The following ANAPC2 variants were observed in gnomAD, a reference collection of about 807,000 sequenced individuals.
ANAPC2 encodes anaphase-promoting complex subunit 2.
In ANAPC2, 29 loss-of-function variants were observed where a neutral mutation model predicts 84.3. The observed-to-expected ratio is 0.34, with a 90% confidence interval of 0.26 to 0.47. The LOEUF (loss-of-function observed/expected upper bound fraction) is 0.47, where lower values mean the gene tolerates loss of function less well. ANAPC2 is among the 20% of genes least tolerant of loss of function. The pLI, the probability that ANAPC2 is intolerant of heterozygous loss-of-function variation, is 1.00. For synonymous variants in ANAPC2, 571 were observed against 479.4 expected (o/e 1.19, Z -2.50); for missense variants, 857 against 1,131.7 (o/e 0.76, Z 3.48).
Position 137,187,723 on chromosome 9 carries a change from G to A in ANAPC2, c.498C>T (p.Pro166=), listed in dbSNP as rs749626067. 6.8e-6 allele frequency: 11 copies of A among 1,613,906 alleles called. No homozygotes were observed. Among genetic ancestry groups the A allele is most frequent in the Non-Finnish European group, 9.3e-6 (11 of 1,180,028 alleles). Residue 166 remains proline (P), a synonymous_variant, in exon 2 of 13, where the codon CCC becomes CCT. Transcript: ENST00000323927. ...MLRGVLFFST[P]RTFQEMIQRL... is the part of the protein sequence containing the mutation. ...GCTGGATCATCTCTTGGAAGGTTCT[G>A]GGGGTGCTAAAGAACAAGACTCCGC...
Position 137,188,446 on chromosome 9 carries a change from G to A in ANAPC2, c.87C>T (p.Thr29=). The change falls in exon 1 of 13, where the codon ACC becomes ACT. Residue 29 remains threonine (T), a synonymous_variant. Transcript: ENST00000323927. The part of the protein sequence containing the change: ...ELLVAWNTVS[T]GLVPPAALGL... ...CCAGCGCAGCCGGCGGCACCAGGCC[G>A]GTGCTCACGGTGTTCCAGGCCACTA... 2 of 1,609,624 alleles carry A rather than the reference G, an allele frequency of 1.2e-6. No individual in the cohort carries two copies. The highest frequency in any genetic ancestry group is 8.5e-7 in the Non-Finnish European group (1 of 1,179,444).
At chr9:137,180,977 G>A in intron 7 of ANAPC2, 48 bp from the exon 8 acceptor site, 1 of 1,599,746 alleles carries the variant, frequency 6.3e-7, no homozygotes, top group Non-Finnish European at 8.5e-7. Context: ...CCTGGGCAAG[G>A]ACAGGGCCGC....
At chr9:137,184,129 C>A (rs1044591382) in intron 4 of ANAPC2, among the ~76,000 whole-genome samples, 2 of 152,258 alleles carry the variant, frequency 1.3e-5, no homozygotes, top group Admixed American at 1.3e-4. Context: ...ACAGTCCCAG[C>A]ACTGCCCGGT....
intron 1 of ANAPC2, 77 bp from the exon 2 acceptor site, chr9:137,188,180 G>C (rs538306372): frequency 6.0e-5 from 91 of 1,527,132 alleles, no homozygotes; most frequent in Non-Finnish European, 7.7e-5. Flanking sequence ...AGAAGCTGAG[G>C]GGGAGGCTGC....
chr9:137,177,481 G>A (rs1348315109), intron 10 of ANAPC2, among the ~76,000 whole-genome samples: 1 of 152,164 alleles, frequency 6.6e-6, no homozygotes, highest in Non-Finnish European at 1.5e-5. Flanking sequence ...TTACGTAGAG[G>A]AATGGCGCAC....
chr9:137,176,508 G>A (rs1261804977), intron 10 of ANAPC2: 2 of 152,324 alleles, frequency 1.3e-5, no homozygotes, highest in African/African-American at 4.8e-5. Context: ...ACCAAGAACT[G>A]TGGCAGCAGC....
chr9:137,185,091 T>C lies in ANAPC2; in HGVS notation c.874-4A>G. On this transcript the variant is annotated splice_polypyrimidine_tract_variant and splice_region_variant and intron_variant, in intron 3 of 12. Transcript: ENST00000323927. ...AGCCGACCACCCGCTCGATCCACTGTCAGGAGAACGCTAGTGTGAGCTGCA... is the reference window on the plus strand; with the variant it reads ...AGCCGACCACCCGCTCGATCCACTGCCAGGAGAACGCTAGTGTGAGCTGCA... 1 of 1,536,176 alleles carries C rather than the reference T, an allele frequency of 6.5e-7. No individual in the cohort carries two copies. Among genetic ancestry groups the C allele is most frequent in the Non-Finnish European group, 8.8e-7 (1 of 1,141,338 alleles).
chr9:137,185,453 C>T (rs750721901), intron 3 of ANAPC2, among the ~76,000 whole-genome samples: 38 of 152,310 alleles, frequency 2.5e-4, no homozygotes, highest in Non-Finnish European at 4.3e-4. Context: ...CCGGGGGGCC[C>T]AGGCGAGCAC....
At chr9:137,181,305 A>G (rs888916070) in intron 7 of ANAPC2, among the ~76,000 whole-genome samples, 1 of 152,220 alleles carries the variant, frequency 6.6e-6, no homozygotes, top group African/African-American at 2.4e-5. Flanking sequence ...CCAGGCACAG[A>G]TGGGCTCTGA....
chr9:137,185,538 A>G (rs1325498435), intron 3 of ANAPC2, among the ~76,000 whole-genome samples: 1 of 152,166 alleles, frequency 6.6e-6, no homozygotes, highest in East Asian at 1.9e-4. Flanking sequence ...CAGTGGCAAG[A>G]CCGCACGGAT....
Position 137,180,792 on chromosome 9 carries a change from C to G in ANAPC2, c.1606G>C (p.Glu536Gln). 6.2e-7 allele frequency: 1 copy of G among 1,610,834 alleles called. No homozygotes were observed. Among genetic ancestry groups the G allele is most frequent in the Non-Finnish European group, 8.5e-7 (1 of 1,179,644 alleles). Residue 536 changes from glutamate to glutamine, a missense_variant, in exon 8 of 13, where the codon GAG becomes CAG. Glu to Gln is a conservative substitution (Grantham distance 29, BLOSUM62 2). Around this residue, in one of 3 missense-constraint regions of ANAPC2, gnomAD observed 425 missense variants for 595.5 expected, o/e 0.71. Transcript: ENST00000323927. Reference protein sequence around the residue: ...RLLHQFSFSPEREIRNVELLK... With the variant: ...RLLHQFSFSPQREIRNVELLK... ...CCAGCGCGTCACAGGCCTCACCGCT[C>G]GGGGCTGAAGCTGAACTGGTGCAGC...
chr9:137,188,339 C>A (rs1033284610), intron 1 of ANAPC2, 77 bp downstream of exon 1: 80 of 1,482,180 alleles, frequency 5.4e-5, no homozygotes, highest in Non-Finnish European at 7.0e-5. Context: ...GCCGTATGAA[C>A]CCGAGGGTAG....
intron 3 of ANAPC2, among the ~76,000 whole-genome samples, 178 bp downstream of exon 3, chr9:137,186,046 T>C (rs1834460151): frequency 6.6e-6 from 1 of 152,148 alleles, no homozygotes; most frequent in Non-Finnish European, 1.5e-5. Flanking sequence ...GCGTCCTCGC[T>C]ATCACCAGGG....
At chr9:137,184,114 T>A (rs2131338755) in intron 4 of ANAPC2, among the ~76,000 whole-genome samples, 1 of 152,330 alleles carries the variant, frequency 6.6e-6, no homozygotes, top group South Asian at 2.1e-4. Context: ...GACGCCGCAG[T>A]GGGGACAGTC....
At chr9:137,184,575 G>A (rs1044493796) in intron 4 of ANAPC2, among the ~76,000 whole-genome samples, 2 of 130,164 alleles carry the variant, frequency 1.5e-5, no homozygotes, top group Admixed American at 8.1e-5. Flanking sequence ...GAGCCCAGAC[G>A]CAGACAGAGC....
intron 8 of ANAPC2, 62 bp downstream of exon 8, chr9:137,180,726 C>T (rs1320207369): frequency 6.3e-6 from 10 of 1,588,334 alleles, no homozygotes; most frequent in South Asian, 2.2e-5. Context: ...GGCCCTGTCC[C>T]GAGAGAGGCT....
At position 137,175,423 on chromosome 9, in the gene ANAPC2, C is replaced by A; in HGVS notation, c.2070G>T (p.Ala690=). The change falls in exon 12 of 13, where the codon GCG becomes GCT. Residue 690 remains alanine (A), a synonymous_variant. Coordinates refer to ENST00000323927, the MANE Select transcript of ANAPC2 (RefSeq NM_013366.4). ...ELSKAVKMPV[A]LLRRRMSVWL... ...ACACGGACATCCGCCGCCGCAGCAG[C>A]GCCACGGGCATCTTCACCGCCTTGC... 6.2e-7 allele frequency: 1 copy of A among 1,604,384 alleles called. No individual in the cohort carries two copies. The highest frequency in any genetic ancestry group is 2.3e-5 in the East Asian group (1 of 44,442).
intron 5 of ANAPC2, chr9:137,183,464 G>C: frequency 1.2e-6 from 1 of 807,446 alleles, no homozygotes; most frequent in East Asian, 2.7e-5. Flanking sequence ...CAGACCTACC[G>C]GTCAGTCCTG....
intron 3 of ANAPC2, 95 bp from the exon 4 acceptor site, chr9:137,185,182 C>G (rs926118738): frequency 9.0e-6 from 12 of 1,337,656 alleles, no homozygotes; most frequent in Admixed American, 3.4e-5. Flanking sequence ...CCCACCCTGT[C>G]GGCCGGGACC....
Sources: allele counts gnomAD v4.1 joint callset (sites outside exome capture counted in the v4.1 genomes callset), GRCh38; gene constraint gnomAD v4.1.1; regional missense constraint gnomAD v4.1.1; transcripts MANE v1.5; gene names NCBI Gene and HGNC (gene_info 2026-07-23, HGNC 2026-07-21).